Variants in RANBP2 observed in about 807,000 individuals in gnomAD.
RANBP2 encodes the protein RAN binding protein 2.
Under a neutral mutation model 303.6 loss-of-function variants are expected in RANBP2, and 57 were observed. That is an observed-to-expected ratio of 0.19 (90% CI 0.15 to 0.23). The LOEUF (loss-of-function observed/expected upper bound fraction) is 0.23. Ranked by LOEUF, RANBP2 falls within the 10% of genes least tolerant of loss-of-function variation. RANBP2 has a pLI of 1.00. For synonymous variants in RANBP2, 1,167 were observed against 1,301.5 expected (o/e 0.90, Z 2.23); for missense variants, 3,138 against 3,780.8 (o/e 0.83, Z 4.46).
chr2:108,775,640 C>G, intron 23 of RANBP2, 92 bp from the exon 24 acceptor site: 1 of 1,379,066 alleles, frequency 7.3e-7, no homozygotes, highest in South Asian at 1.2e-5. Context: ...TCCAGAAGCC[C>G]AAGTTCTCAA....
chr2:108,736,722 T>C (rs925159164), intron 6 of RANBP2, among the ~76,000 whole-genome samples: 1 of 152,176 alleles, frequency 6.6e-6, no homozygotes, highest in Non-Finnish European at 1.5e-5. Context: ...ATTTACCTTT[T>C]TTCCTAAATT....
Position 108,765,890 on chromosome 2 carries a change from A to G in RANBP2, c.5351A>G (p.Gln1784Arg). 1 of 1,614,202 alleles carries G rather than the reference A, an allele frequency of 6.2e-7. No individual in the cohort carries two copies. Among genetic ancestry groups the G allele is most frequent in the Non-Finnish European group, 8.5e-7 (1 of 1,180,004 alleles). Residue 1784 changes from glutamine (Q) to arginine (R), a missense_variant, in exon 20 of 29, where the codon CAG becomes CGG. Physicochemically the swap from Gln to Arg is conservative, Grantham distance 43. Coordinates refer to ENST00000283195, the MANE Select transcript of RANBP2 (RefSeq NM_006267.5). ...GAAGGAATGTTCATCAGGAAAGGACAGTGGGATTGTAGTGTTTGCTGTGTA... is the reference window on the plus strand; with the variant it reads ...GAAGGAATGTTCATCAGGAAAGGACGGTGGGATTGTAGTGTTTGCTGTGTA... ...GFEGMFIRKG[Q>R]WDCSVCCVQN...
chr2:109,333,071 G>A, the RANBP2 span, among the ~76,000 whole-genome samples: 1 of 152,240 alleles, frequency 6.6e-6, no homozygotes, highest in Non-Finnish European at 1.5e-5. Context: ...ACTGCCTGGT[G>A]CCCTGCAGCT....
At chr2:109,238,449 TTG>T in the RANBP2 span, among the ~76,000 whole-genome samples, 25,009 of 142,052 alleles carry the variant, frequency 0.18, 2,216 homozygotes, top group Middle Eastern at 0.29. Flanking sequence ...TTATGTATAT[TTG>T]TGTGTGTGTG....
the RANBP2 span, among the ~76,000 whole-genome samples, chr2:108,797,862 G>A: frequency 3.0e-4 from 46 of 152,180 alleles, no homozygotes; most frequent in African/African-American, 9.9e-4. Flanking sequence ...GGGAGAGAGA[G>A]TTGGCTGTGA....
At chr2:109,615,258 A>C in the RANBP2 span, 1 of 1,562,538 alleles carries the variant, frequency 6.4e-7, no homozygotes, top group South Asian at 1.2e-5. Context: ...GGAGGAGAGC[A>C]GCGGCGGAGG....
chr2:109,182,373 G>A, the RANBP2 span, among the ~76,000 whole-genome samples: 5 of 152,164 alleles, frequency 3.3e-5, no homozygotes, highest in African/African-American at 1.2e-4. Context: ...ACTTAGGAAG[G>A]TGAAGCCCTC....
the RANBP2 span, among the ~76,000 whole-genome samples, chr2:109,340,660 T>C: frequency 6.6e-6 from 1 of 152,188 alleles, no homozygotes; most frequent in Non-Finnish European, 1.5e-5. Context: ...AAGTAGTCAA[T>C]GATCATTGTT....
chr2:108,782,425 A>T, intron 27 of RANBP2, 24 bp downstream of exon 27: 1 of 1,613,826 alleles, frequency 6.2e-7, no homozygotes, highest in East Asian at 2.2e-5. Flanking sequence ...TTCAAATGCT[A>T]CTTTTCATTT....
the RANBP2 span, among the ~76,000 whole-genome samples, chr2:109,652,602 C>G: frequency 6.6e-6 from 1 of 152,186 alleles, no homozygotes; most frequent in Non-Finnish European, 1.5e-5. Flanking sequence ...TTTCACACGA[C>G]TATGGATTCC....
At chr2:108,930,103 G>C in the RANBP2 span, 35 of 1,610,380 alleles carry the variant, frequency 2.2e-5, no homozygotes, top group Middle Eastern at 3.3e-4. Context: ...CAGGCTCCAG[G>C]AGGGCTGGGT....
the RANBP2 span, among the ~76,000 whole-genome samples, chr2:109,096,247 T>C: frequency 6.6e-6 from 1 of 152,360 alleles, no homozygotes; most frequent in East Asian, 1.9e-4. Context: ...GGAAACATTA[T>C]TGAATATAAG....
chr2:109,126,300 A>C, the RANBP2 span, among the ~76,000 whole-genome samples: 1 of 152,202 alleles, frequency 6.6e-6, no homozygotes, highest in African/African-American at 2.4e-5. Context: ...AGGTGGGCTT[A>C]AGTGGCTCTC....
chr2:109,593,102 C>A, the RANBP2 span: 2 of 1,598,348 alleles, frequency 1.3e-6, no homozygotes, highest in South Asian at 2.3e-5. Context: ...TTTTCGTTGC[C>A]ATGTGAGACT....
chr2:108,951,088 C>T, the RANBP2 span, among the ~76,000 whole-genome samples: 1 of 152,230 alleles, frequency 6.6e-6, no homozygotes, highest in East Asian at 1.9e-4. Flanking sequence ...CACTTGCTCA[C>T]CAGGCTGATA....
At chr2:109,539,330 A>G in the RANBP2 span, among the ~76,000 whole-genome samples, 6 of 152,110 alleles carry the variant, frequency 3.9e-5, no homozygotes, top group Non-Finnish European at 7.4e-5. Context: ...GCACAGTTCT[A>G]TGAGTCTTTA....
chr2:109,646,691 A>G, the RANBP2 span, among the ~76,000 whole-genome samples: 2 of 136,374 alleles, frequency 1.5e-5, no homozygotes, highest in Non-Finnish European at 1.5e-5. Context: ...TTTTTTGTAG[A>G]GATAGGGTTT....
the RANBP2 span, among the ~76,000 whole-genome samples, chr2:109,328,476 A>G: frequency 1.3e-5 from 2 of 152,158 alleles, no homozygotes; most frequent in Non-Finnish European, 2.9e-5. Flanking sequence ...ACTGGTAGTT[A>G]CATCTGAGGA....
At chr2:109,470,766 TCCACAGG>T in the RANBP2 span, among the ~76,000 whole-genome samples, 1 of 152,218 alleles carries the variant, frequency 6.6e-6, no homozygotes, top group Admixed American at 6.5e-5. Context: ...CCACCCCTGT[TCCACAGG>T]CCACAGCTTA....
Sources: gnomAD v4.1 joint callset for allele counts (sites outside exome capture counted in the v4.1 genomes callset) on GRCh38, gnomAD v4.1.1 for gene constraint, MANE v1.5 for transcripts, NCBI Gene and HGNC (gene_info 2026-07-23, HGNC 2026-07-21) for gene names.